Variants in MGRN1 observed in about 807,000 individuals in gnomAD.
MGRN1 encodes the protein E3 ubiquitin-protein ligase MGRN1.
A neutral mutation model predicts 69.2 loss-of-function variants in MGRN1; 29 were observed. The ratio of observed to expected loss-of-function variants is 0.42; its 90% CI spans 0.31 to 0.57. MGRN1 has a LOEUF of 0.57. Among genes scored for constraint, MGRN1 ranks in the 20% least tolerant of loss-of-function variants. The pLI, the probability that MGRN1 is intolerant of heterozygous loss-of-function variation, is 0.15. For synonymous variants in MGRN1, 470 were observed against 344.2 expected, an observed-to-expected ratio of 1.37 and a Z score of -4.04; for missense variants, 998 against 796.2, an observed-to-expected ratio of 1.25 and a Z score of -3.05.
intron 11 of MGRN1, among the ~76,000 whole-genome samples, chr16:4,679,508 C>T (rs145563694): frequency 0.012 from 1,768 of 145,568 alleles, 43 homozygotes; most frequent in African/African-American, 0.041. Context: ...GAAAGAGCCA[C>T]CGTGGGTGTT....
In MGRN1 at chr16:4,689,159, C is replaced by T. The variant is rs1596325492; in HGVS notation, c.*251C>T. On this transcript the variant is annotated 3_prime_UTR_variant, in exon 17 of 17. Transcript: ENST00000262370. ...AGCTTTCCATCCCTAGTTCAGAGCC[C>T]CCGTTCCCCAGGGTCCTGTGGGCTG... The T allele has an allele frequency of 2.0e-6, 1 of 500,730 alleles. No homozygotes were observed. Among genetic ancestry groups the T allele is most frequent in the Non-Finnish European group, 3.3e-6 (1 of 303,022 alleles). The allele number at this position is 500,730 out of a possible 1,614,324, so 31.0% of individuals were successfully genotyped here.
At chr16:4,629,875 G>A (rs140686933) in intron 1 of MGRN1, among the ~76,000 whole-genome samples, 2,160 of 148,952 alleles carry the variant, frequency 0.015, 55 homozygotes, top group African/African-American at 0.05. Context: ...GTGAAACCTC[G>A]TCTCTACTAA....
At chr16:4,686,649 G>A (rs1409766599) in intron 16 of MGRN1, 16 of 1,123,136 alleles carry the variant, frequency 1.4e-5, no homozygotes, top group African/African-American at 8.1e-5. Context: ...TGTCCACTGC[G>A]GGAGGCAGGA....
chr16:4,662,796 T>C (rs770473504), intron 5 of MGRN1, among the ~76,000 whole-genome samples: 3 of 152,152 alleles, frequency 2.0e-5, no homozygotes, highest in African/African-American at 4.8e-5. Flanking sequence ...AGAGGAGACA[T>C]CCTATGTGTC....
At position 4,631,061 on chromosome 16, in the gene MGRN1, A is replaced by G. The variant is rs572003766; in HGVS notation, c.88+6013A>G. On this transcript the variant is annotated intron_variant, in intron 1 of 16. Transcript: ENST00000262370. ...GGCCTCAAAGTCCTGGACTCAAGCAATCTGCCCACCTTGGCCTTCCAGAGT... is the reference window on the plus strand; with the variant it reads ...GGCCTCAAAGTCCTGGACTCAAGCAGTCTGCCCACCTTGGCCTTCCAGAGT... Among the ~76,000 whole-genome samples, 311 of 151,938 alleles carry G rather than the reference A, an allele frequency of 2.0e-3. 1 individual carries two copies. The highest frequency in any genetic ancestry group is 3.2e-3 in the Non-Finnish European group (217 of 67,956).
At chr16:4,671,035 C>T (rs143869938) in intron 8 of MGRN1, among the ~76,000 whole-genome samples, 257 of 152,326 alleles carry the variant, frequency 1.7e-3, no homozygotes, top group Non-Finnish European at 2.8e-3. Context: ...ACTTAGGCTG[C>T]TGTCTGGTGC....
intron 10 of MGRN1, chr16:4,677,196 G>T: frequency 2.8e-6 from 1 of 355,200 alleles, no homozygotes; most frequent in Non-Finnish European, 5.1e-6. Flanking sequence ...CTGTGTTTGC[G>T]GGAGTTCTGT....
At chr16:4,673,415 G>C in intron 9 of MGRN1, 83 bp from the exon 10 acceptor site, 3 of 1,535,946 alleles carry the variant, frequency 2.0e-6, no homozygotes, top group Non-Finnish European at 2.6e-6. Flanking sequence ...GGGTGGAGTG[G>C]GGTGGGACAG....
intron 5 of MGRN1, among the ~76,000 whole-genome samples, chr16:4,663,283 C>CA (rs1312787087): frequency 6.6e-6 from 1 of 150,420 alleles, no homozygotes; most frequent in African/African-American, 2.4e-5. Context: ...AGGCTGGTCT[C>CA]AAACTGCTGA....
chr16:4,630,609 G>T (rs572032137), intron 1 of MGRN1, among the ~76,000 whole-genome samples: 1 of 151,466 alleles, frequency 6.6e-6, no homozygotes, highest in Non-Finnish European at 1.5e-5. Context: ...CACCACGCCC[G>T]GCTAATTTTT....
chr16:4,676,499 T>C (rs2079056042), intron 10 of MGRN1, among the ~76,000 whole-genome samples: 1 of 152,106 alleles, frequency 6.6e-6, no homozygotes, highest in Non-Finnish European at 1.5e-5. Flanking sequence ...AGTTCAGAGC[T>C]CCCGTGTGGC....
Position 4,657,354 on chromosome 16 carries a change from G to A in MGRN1, c.552G>A (p.Lys184=). Residue 184 remains lysine, a synonymous_variant, in exon 5 of 17, where the codon AAG becomes AAA. Transcript: ENST00000262370. The part of the protein sequence containing the change: ...PSFKIDFSEW[K]DDELNFDLDR... ...TCAAGATTGACTTCTCGGAATGGAAGGATGACGAGGTAATGCTGGCTGGGC... is the reference window on the plus strand; with the variant it reads ...TCAAGATTGACTTCTCGGAATGGAAAGATGACGAGGTAATGCTGGCTGGGC... 2.5e-6 allele frequency: 4 copies of A among 1,613,932 alleles called. No individual in the cohort carries two copies. The highest frequency in any genetic ancestry group is 3.4e-6 in the Non-Finnish European group (4 of 1,179,792).
chr16:4,665,270 C>T (rs1310818781), intron 7 of MGRN1, 119 bp downstream of exon 7: 5 of 1,076,520 alleles, frequency 4.6e-6, no homozygotes, highest in African/African-American at 1.6e-5. Flanking sequence ...GTGTCAAGGG[C>T]CCCGGGGCAG....
intron 1 of MGRN1, among the ~76,000 whole-genome samples, chr16:4,645,740 G>A (rs566981661): frequency 2.3e-4 from 35 of 152,276 alleles, no homozygotes; most frequent in African/African-American, 8.2e-4. Context: ...TGAGTGGGCC[G>A]GGGCTGGCAG....
At chr16:4,625,779 A>C (rs1369148282) in intron 1 of MGRN1, among the ~76,000 whole-genome samples, 1 of 152,166 alleles carries the variant, frequency 6.6e-6, no homozygotes, top group Non-Finnish European at 1.5e-5. Context: ...TTGATGAGTT[A>C]TGTGTTGACT....
intron 9 of MGRN1, among the ~76,000 whole-genome samples, chr16:4,672,189 C>A (rs1226062516): frequency 6.6e-6 from 1 of 152,020 alleles, no homozygotes; most frequent in Non-Finnish European, 1.5e-5. Flanking sequence ...CAGGCGTGAA[C>A]CACCGCGCCC....
intron 16 of MGRN1, chr16:4,687,552 G>A: frequency 1.1e-6 from 1 of 914,730 alleles, no homozygotes; most frequent in Non-Finnish European, 1.3e-6. Context: ...ACTCCAGCCT[G>A]AGACCCTGTC....
At position 4,657,370 on chromosome 16, in the gene MGRN1, C is replaced by T. The variant is rs1329247390; in HGVS notation, c.561+7C>T. On this transcript the variant is annotated splice_region_variant and intron_variant, in intron 5 of 16. Coordinates refer to ENST00000262370, the MANE Select transcript of MGRN1 (RefSeq NM_015246.4). ...GGAATGGAAGGATGACGAGGTAATG[C>T]TGGCTGGGCGGCTCCTTGCCCTTCG... The T allele has an allele frequency of 1.2e-6, 2 of 1,612,638 alleles. No individual in the cohort carries two copies. Among genetic ancestry groups the T allele is most frequent in the East Asian group, 2.2e-5 (1 of 44,872 alleles).
intron 10 of MGRN1, among the ~76,000 whole-genome samples, chr16:4,674,998 G>A (rs943764360): frequency 6.6e-6 from 1 of 152,004 alleles, no homozygotes; most frequent in Non-Finnish European, 1.5e-5. Flanking sequence ...TTGAGACAGA[G>A]TCTTAACTCT....
Sources: allele counts gnomAD v4.1 joint callset (sites outside exome capture counted in the v4.1 genomes callset), GRCh38; gene constraint gnomAD v4.1.1; transcripts MANE v1.5; gene names NCBI Gene and HGNC (gene_info 2026-07-23, HGNC 2026-07-21).